MSRB2: variants seen among roughly 807,000 people sequenced by gnomAD.
The protein encoded by MSRB2 is methionine-R-sulfoxide reductase B2, mitochondrial.
Under a neutral mutation model 19.0 loss-of-function variants are expected in MSRB2, and 17 were observed. The observed-to-expected ratio is 0.89, with a 90% confidence interval of 0.61 to 1.34. The LOEUF is 1.34. Ranked by LOEUF, MSRB2 falls within the 40% of genes most tolerant of loss-of-function variation. MSRB2 has a pLI of 0.00. For synonymous variants in MSRB2, 107 were observed against 99.7 expected (o/e 1.07, Z -0.44); for missense variants, 208 against 237.6 (o/e 0.88, Z 0.82).
intron 2 of MSRB2, among the ~76,000 whole-genome samples, chr10:23,105,336 A>G (rs887321572): frequency 4.6e-5 from 7 of 152,128 alleles, no homozygotes; most frequent in Admixed American, 6.5e-5. Flanking sequence ...TCACCCGAAT[A>G]CAATACATTT....
chr10:23,107,705 T>C (rs377252801), intron 2 of MSRB2, among the ~76,000 whole-genome samples: 35 of 152,266 alleles, frequency 2.3e-4, no homozygotes, highest in African/African-American at 8.2e-4. Flanking sequence ...TCCTCCCACT[T>C]AGGGAGCAAA....
At chr10:23,111,568 A>C (rs545493264) in intron 3 of MSRB2, among the ~76,000 whole-genome samples, 7 of 152,204 alleles carry the variant, frequency 4.6e-5, no homozygotes, top group African/African-American at 1.7e-4. Context: ...CATCTGAAAA[A>C]GGGGGGGACT....
chr10:23,119,097 T>G (rs1840150433), intron 3 of MSRB2: 1 of 680,300 alleles, frequency 1.5e-6, no homozygotes, highest in Non-Finnish European at 2.7e-6. Flanking sequence ...GATCAAGAAG[T>G]CCTTCCACTT....
chr10:23,107,419 C>T (rs1054102704), intron 2 of MSRB2, among the ~76,000 whole-genome samples: 3 of 152,248 alleles, frequency 2.0e-5, no homozygotes, highest in Non-Finnish European at 2.9e-5. Flanking sequence ...GCCAGAAATA[C>T]TCTTCCATTT....
intron 2 of MSRB2, among the ~76,000 whole-genome samples, chr10:23,104,899 C>A (rs1839968437): frequency 6.6e-6 from 1 of 151,838 alleles, no homozygotes. Flanking sequence ...AGCTCTCGGC[C>A]CAAATCTCAC....
chr10:23,102,635 A>T (rs1839937422), intron 1 of MSRB2, among the ~76,000 whole-genome samples: 1 of 152,166 alleles, frequency 6.6e-6, no homozygotes, highest in Non-Finnish European at 1.5e-5. Flanking sequence ...AACTTAGCCT[A>T]CTTGGTTAAA....
chr10:23,104,208 G>T lies in MSRB2; in HGVS notation c.183G>T (p.Glu61Asp). The T allele has an allele frequency of 6.2e-7, 1 of 1,613,988 alleles. No homozygotes were observed. The highest frequency in any genetic ancestry group is 8.5e-7 in the Non-Finnish European group (1 of 1,179,924). Residue 61 changes from glutamate (E) to aspartate (D), a missense_variant, in exon 2 of 5, where the codon GAG becomes GAT. Transcript: ENST00000376510. ...AGTGGCAAAAGAAACTAACCCCGGAGCAGTTCTACGTCACAAGAGAAAAGG... is the reference window on the plus strand; with the variant it reads ...AGTGGCAAAAGAAACTAACCCCGGATCAGTTCTACGTCACAAGAGAAAAGG... ...KSEWQKKLTP[E>D]QFYVTREKGT...
Position 23,110,237 on chromosome 10 carries a change from T to G in MSRB2, c.220-5T>G, listed in dbSNP as rs200823005. On this transcript the variant is annotated splice_polypyrimidine_tract_variant and splice_region_variant and intron_variant, in intron 2 of 4. Transcript: ENST00000376510. ...CTGAACATGACATATCTAATTTACTTTCAGCCTTTCAGTGGGATCTACCTG... is the reference window on the plus strand; with the variant it reads ...CTGAACATGACATATCTAATTTACTGTCAGCCTTTCAGTGGGATCTACCTG... The G allele has an allele frequency of 7.3e-5, 117 of 1,612,052 alleles. 1 individual carries two copies. In the African/African-American group the frequency reaches 1.5e-3, roughly 20 times the overall value.
intron 3 of MSRB2, among the ~76,000 whole-genome samples, chr10:23,112,925 T>A (rs561114925): frequency 1.3e-5 from 2 of 152,346 alleles, no homozygotes; most frequent in African/African-American, 4.8e-5. Flanking sequence ...CTTAGGGCTG[T>A]ATACATGAAT....
intron 4 of MSRB2, among the ~76,000 whole-genome samples, chr10:23,120,080 G>T (rs1188387631): frequency 6.6e-6 from 1 of 152,170 alleles, no homozygotes; most frequent in Non-Finnish European, 1.5e-5. Flanking sequence ...TAAGGAGCAG[G>T]AAGTCCTTAT....
At chr10:23,100,501 C>T (rs1028903656) in intron 1 of MSRB2, among the ~76,000 whole-genome samples, 9 of 152,150 alleles carry the variant, frequency 5.9e-5, no homozygotes, top group South Asian at 2.1e-4. Flanking sequence ...AATTGGCTTA[C>T]GGTTCCACAG....
chr10:23,119,510 T>C, intron 4 of MSRB2, 59 bp downstream of exon 4: 3 of 1,569,868 alleles, frequency 1.9e-6, no homozygotes, highest in Non-Finnish European at 2.6e-6. Flanking sequence ...CACAAAGAGC[T>C]CTCTTGTTCT....
At chr10:23,102,713 G>C (rs1839938639) in intron 1 of MSRB2, among the ~76,000 whole-genome samples, 3 of 152,144 alleles carry the variant, frequency 2.0e-5, no homozygotes. Flanking sequence ...GTGACTATCT[G>C]TTCCCCAGTA....
intron 3 of MSRB2, among the ~76,000 whole-genome samples, chr10:23,116,177 A>C (rs938562349): frequency 6.6e-6 from 1 of 152,028 alleles, no homozygotes; most frequent in African/African-American, 2.4e-5. Flanking sequence ...ACACACAGAA[A>C]GTGAGGTGAT....
intron 1 of MSRB2, among the ~76,000 whole-genome samples, chr10:23,103,888 T>A (rs554366081): frequency 6.7e-4 from 102 of 152,338 alleles, no homozygotes; most frequent in Non-Finnish European, 1.2e-3. Context: ...TTCAGCTGCC[T>A]CTTTCACTTC....
intron 2 of MSRB2, among the ~76,000 whole-genome samples, chr10:23,107,125 T>C (rs546835169): frequency 1.4e-4 from 21 of 152,372 alleles, no homozygotes; most frequent in Admixed American, 1.2e-3. Flanking sequence ...GCATGTGTGA[T>C]GGAGGTCGGA....
At chr10:23,096,350 C>CTGTGTGTGTGTGTGTGTGTGTGTGTGTG (rs780651477) in intron 1 of MSRB2, among the ~76,000 whole-genome samples, 59 of 61,768 alleles carry the variant, frequency 9.6e-4, no homozygotes, top group African/African-American at 3.2e-3. Flanking sequence ...CTCTCTCTCT[C>CTGTGTGTGTGTGTGTGTGTGTGTGTGTG]TCTGTGTGTG....
chr10:23,116,239 A>G (rs1840108792), intron 3 of MSRB2, among the ~76,000 whole-genome samples: 1 of 152,166 alleles, frequency 6.6e-6, no homozygotes, highest in Non-Finnish European at 1.5e-5. Context: ...ATAAATTTAG[A>G]AAAGGAGACT....
chr10:23,109,436 G>A lies in MSRB2; in HGVS notation c.220-806G>A, dbSNP rs143463341. 7.9e-5 allele frequency among the ~76,000 whole-genome samples: 12 copies of A among 152,044 alleles called. No individual in the cohort carries two copies. In the South Asian group the frequency reaches 1.0e-3, roughly 13 times the overall value. On this transcript the variant is annotated intron_variant, in intron 2 of 4. Coordinates refer to ENST00000376510, the MANE Select transcript of MSRB2 (RefSeq NM_012228.4). ...CGTGCACCTGTAGTCCCAGCTATTC[G>A]GGAGGCTGAGACAGGAGAATCACTT... is the stretch of plus-strand genomic sequence containing the variant.
Sources: gnomAD v4.1 joint callset for allele counts (sites outside exome capture counted in the v4.1 genomes callset) on GRCh38, gnomAD v4.1.1 for gene constraint, MANE v1.5 for transcripts, NCBI Gene and HGNC (gene_info 2026-07-23, HGNC 2026-07-21) for gene names.